KCNN2: variants seen among roughly 807,000 people sequenced by gnomAD.
KCNN2 encodes potassium calcium-activated channel subfamily N member 2.
KCNN2 carries 24 observed loss-of-function variants against 55.5 expected under a neutral mutation model. That is an observed-to-expected ratio of 0.43 (90% CI 0.31 to 0.61). The LOEUF (loss-of-function observed/expected upper bound fraction) is 0.61. Ranked by LOEUF, KCNN2 falls within the 20% of genes least tolerant of loss-of-function variation. The pLI, the probability that KCNN2 is intolerant of heterozygous loss-of-function variation, is 0.08. For synonymous variants in KCNN2, 431 were observed against 336.1 expected, an observed-to-expected ratio of 1.28 and a Z score of -3.09; for missense variants, 754 against 853.6, an observed-to-expected ratio of 0.88 and a Z score of 1.45.
chr5:114,152,182 G>T (rs186769412), intron 1 of KCNN2, among the ~76,000 whole-genome samples: 55 of 152,080 alleles, frequency 3.6e-4, no homozygotes, highest in Admixed American at 1.0e-3. Flanking sequence ...CATTAATTTA[G>T]ATTCAAATTG....
intron 3 of KCNN2, among the ~76,000 whole-genome samples, chr5:114,411,675 G>A (rs1759139688): frequency 6.6e-6 from 1 of 152,106 alleles, no homozygotes; most frequent in Non-Finnish European, 1.5e-5. Context: ...AGAGAGAGGG[G>A]GCGGGAGAGA....
intron 2 of KCNN2, among the ~76,000 whole-genome samples, chr5:114,233,641 A>T (rs1754409550): frequency 6.6e-6 from 1 of 152,104 alleles, no homozygotes; most frequent in African/African-American, 2.4e-5. Context: ...TTTTATTCTT[A>T]TAGTGAAAAA....
intron 7 of KCNN2, among the ~76,000 whole-genome samples, chr5:114,494,257 C>CT: frequency 4.4e-5 from 1 of 22,720 alleles, no homozygotes; most frequent in South Asian, 7.2e-3. Flanking sequence ...ATCTTACAAA[C>CT]TGTTTTTTTT....
At chr5:114,172,495 C>T (rs1192682302) in intron 1 of KCNN2, among the ~76,000 whole-genome samples, 1 of 151,474 alleles carries the variant, frequency 6.6e-6, no homozygotes, top group East Asian at 1.9e-4. Context: ...ATTACCTTGT[C>T]TTTCTGGAAA....
At chr5:114,285,527 A>C (rs568748221) in intron 2 of KCNN2, among the ~76,000 whole-genome samples, 33 of 152,294 alleles carry the variant, frequency 2.2e-4, no homozygotes, top group African/African-American at 7.5e-4. Context: ...TAAGTGCCAT[A>C]CCAAGGAACC....
At chr5:114,484,914 T>A (rs907684867) in intron 5 of KCNN2, among the ~76,000 whole-genome samples, 1 of 152,092 alleles carries the variant, frequency 6.6e-6, no homozygotes, top group African/African-American at 2.4e-5. Context: ...AATGAGTGCT[T>A]AGTGAATAGA....
chr5:114,091,343 T>C (rs1751140338), intron 1 of KCNN2, among the ~76,000 whole-genome samples: 1 of 152,178 alleles, frequency 6.6e-6, no homozygotes, highest in Non-Finnish European at 1.5e-5. Flanking sequence ...CATGTCCTCT[T>C]GCCTTAGGGG....
At chr5:114,144,084 G>A (rs943507473) in intron 1 of KCNN2, among the ~76,000 whole-genome samples, 1 of 152,130 alleles carries the variant, frequency 6.6e-6, no homozygotes, top group African/African-American at 2.4e-5. Flanking sequence ...TGCTTGAGAG[G>A]CCTCAAAAAT....
chr5:114,280,756 AC>A (rs955422600), intron 2 of KCNN2, among the ~76,000 whole-genome samples: 5 of 152,090 alleles, frequency 3.3e-5, no homozygotes, highest in African/African-American at 1.2e-4. Context: ...ACTCAGAGTG[AC>A]CCTTTTAAAT....
intron 1 of KCNN2, among the ~76,000 whole-genome samples, chr5:114,218,664 T>C (rs1754059919): frequency 6.6e-6 from 1 of 152,192 alleles, no homozygotes; most frequent in South Asian, 2.1e-4. Flanking sequence ...CATATGTCAT[T>C]ATACGTTTGT....
At chr5:114,201,534 A>G (rs1482869882) in intron 1 of KCNN2, among the ~76,000 whole-genome samples, 1 of 152,086 alleles carries the variant, frequency 6.6e-6, no homozygotes, top group Non-Finnish European at 1.5e-5. Context: ...AACCTAGAGC[A>G]GGGAGGTGAA....
chr5:114,404,633 A>G lies in KCNN2; in HGVS notation c.1414A>G (p.Ile472Val). The G allele has an allele frequency of 6.2e-7, 1 of 1,613,942 alleles. No homozygotes were observed. Among genetic ancestry groups the G allele is most frequent in the Non-Finnish European group, 8.5e-7 (1 of 1,179,920 alleles). Residue 472 changes from isoleucine to valine, a missense_variant, in exon 3 of 8, where the codon ATA (isoleucine) becomes GTA (valine). This residue lies in a region of KCNN2 where 123 missense variants were observed against 204.9 expected (regional missense o/e 0.60). Coordinates refer to ENST00000673685, the MANE Select transcript of KCNN2 (RefSeq NM_021614.4). ...CGCTGATGTGGATATTATTTTATCTATACCAATGTTCTTAAGACTCTATCT... is the reference window on the plus strand; with the variant it reads ...CGCTGATGTGGATATTATTTTATCTGTACCAATGTTCTTAAGACTCTATCT... ...TTADVDIILS[I>V]PMFLRLYLIA...
chr5:114,106,645 T>G (rs76630758), intron 1 of KCNN2, among the ~76,000 whole-genome samples: 1 of 148,778 alleles, frequency 6.7e-6, no homozygotes, highest in African/African-American at 2.5e-5. Flanking sequence ...TTCCAGTTGT[T>G]TTTTTTTTTT....
At chr5:114,210,739 G>C (rs974617142) in intron 1 of KCNN2, among the ~76,000 whole-genome samples, 2 of 152,084 alleles carry the variant, frequency 1.3e-5, no homozygotes, top group African/African-American at 4.8e-5. Flanking sequence ...GCACAAAGAG[G>C]TGAATAGTTT....
chr5:114,079,211 G>C (rs1314602136), intron 1 of KCNN2, among the ~76,000 whole-genome samples: 1 of 152,126 alleles, frequency 6.6e-6, no homozygotes, highest in Non-Finnish European at 1.5e-5. Flanking sequence ...TCCAGAGAAA[G>C]AGACTTTTAA....
At chr5:114,077,092 C>T (rs1410350367) in intron 1 of KCNN2, among the ~76,000 whole-genome samples, 2 of 152,192 alleles carry the variant, frequency 1.3e-5, no homozygotes. Flanking sequence ...CCCATTTTCC[C>T]TTTTACATTT....
At chr5:114,066,437 A>G (rs1282190267) in intron 1 of KCNN2, among the ~76,000 whole-genome samples, 1 of 152,244 alleles carries the variant, frequency 6.6e-6, no homozygotes, top group Non-Finnish European at 1.5e-5. Flanking sequence ...GGAATCTGAG[A>G]GCAATTCCCT....
rs1761292207 is a variant in KCNN2, at chr5:114,463,267, G to C, written c.1779+77G>C. 4 of 1,109,668 alleles carry C rather than the reference G, an allele frequency of 3.6e-6. No homozygotes were observed. The South Asian group carries it at 6.8e-5, about 19-fold the overall frequency. 68.7% of individuals were successfully genotyped at this position (1,109,668 alleles called of 1,614,324 possible). On this transcript the variant is annotated intron_variant, in intron 4 of 7. Coordinates refer to ENST00000673685, the MANE Select transcript of KCNN2 (RefSeq NM_021614.4). The stretch of plus-strand genomic sequence containing the variant: ...TAAACCACTCAGTCCACGTGCATAA[G>C]TAATTGTGAGCTACTTCTTTTCCCA...
chr5:114,146,400 C>A (rs1481876225), intron 1 of KCNN2, among the ~76,000 whole-genome samples: 1 of 152,050 alleles, frequency 6.6e-6, no homozygotes, highest in African/African-American at 2.4e-5. Context: ...TGCCACTGAT[C>A]AAGAAAATTT....
Sources: allele counts gnomAD v4.1 joint callset (sites outside exome capture counted in the v4.1 genomes callset), GRCh38; gene constraint gnomAD v4.1.1; regional missense constraint gnomAD v4.1.1; transcripts MANE v1.5; gene names NCBI Gene and HGNC (gene_info 2026-07-23, HGNC 2026-07-21).